Variants in CUBN observed in about 807,000 individuals in gnomAD.
The protein encoded by CUBN is cubilin.
A neutral mutation model predicts 405.3 loss-of-function variants in CUBN; 282 were observed. That is an observed-to-expected ratio of 0.70 (90% CI 0.63 to 0.77). The LOEUF (loss-of-function observed/expected upper bound fraction) is 0.77, where lower values mean the gene tolerates loss of function less well. Ranked by LOEUF, CUBN falls within the 30% of genes least tolerant of loss-of-function variation. The pLI, the probability that CUBN is intolerant of heterozygous loss-of-function variation, is 0.00. For missense variants in CUBN, 4,514 were observed against 4,475.2 expected (o/e 1.01, Z -0.25); for synonymous variants, 1,684 against 1,617.0 (o/e 1.04, Z -0.99).
chr10:16,978,954 A>G (rs569544267), intron 31 of CUBN, among the ~76,000 whole-genome samples: 12 of 152,322 alleles, frequency 7.9e-5, no homozygotes, highest in Non-Finnish European at 1.3e-4. Context: ...GTCGCAGCCC[A>G]AAATCTTCTT....
intron 31 of CUBN, among the ~76,000 whole-genome samples, chr10:16,971,384 C>T (rs1292153517): frequency 3.9e-5 from 6 of 152,218 alleles, no homozygotes; most frequent in African/African-American, 1.2e-4. Context: ...AACAAGCTTC[C>T]AGCCTTGCCA....
intron 28 of CUBN, among the ~76,000 whole-genome samples, chr10:17,017,202 G>A (rs1228258501): frequency 6.6e-6 from 1 of 152,102 alleles, no homozygotes; most frequent in African/African-American, 2.4e-5. Flanking sequence ...ACAGTCCCTG[G>A]ACCCTGCTGA....
intron 6 of CUBN, among the ~76,000 whole-genome samples, chr10:17,117,530 A>C (rs1836932602): frequency 6.6e-6 from 1 of 152,092 alleles, no homozygotes; most frequent in Non-Finnish European, 1.5e-5. Context: ...GCGTGCCACC[A>C]CACCCGGCTA....
At chr10:17,002,425 A>G (rs552700071) in intron 28 of CUBN, among the ~76,000 whole-genome samples, 1 of 151,708 alleles carries the variant, frequency 6.6e-6, no homozygotes, top group South Asian at 2.1e-4. Flanking sequence ...GCAATCTGTG[A>G]TTTGGGAAGG....
At position 16,875,663 on chromosome 10, in the gene CUBN, T is replaced by C. The variant is rs117403596; in HGVS notation, c.9107-1160A>G. On this transcript the variant is annotated intron_variant, in intron 57 of 66. Coordinates refer to ENST00000377833, the MANE Select transcript of CUBN (RefSeq NM_001081.4). ...CTCCTTTTCACTTTATACACAATTATGTGGTCTCTGGAAGTTTATCAAGGC... is the reference window on the plus strand; with the variant it reads ...CTCCTTTTCACTTTATACACAATTACGTGGTCTCTGGAAGTTTATCAAGGC... 9.8e-5 allele frequency among the ~76,000 whole-genome samples: 15 copies of C among 152,362 alleles called. 1 individual carries two copies. The East Asian group carries it at 2.7e-3, about 27-fold the overall frequency.
At chr10:16,826,142 T>C (rs1838774622) in intron 66 of CUBN, among the ~76,000 whole-genome samples, 2 of 152,194 alleles carry the variant, frequency 1.3e-5, no homozygotes, top group African/African-American at 2.4e-5. Context: ...GCAAGGGATA[T>C]AGGATTTCCC....
chr10:17,029,802 C>T (rs1253580013), intron 27 of CUBN, among the ~76,000 whole-genome samples: 3 of 152,196 alleles, frequency 2.0e-5, no homozygotes, highest in South Asian at 2.1e-4. Context: ...CTCTGCATCT[C>T]GCCAACTGGA....
chr10:16,993,376 T>C (rs991917498), intron 28 of CUBN, among the ~76,000 whole-genome samples: 2 of 152,246 alleles, frequency 1.3e-5, no homozygotes, highest in Non-Finnish European at 2.9e-5. Flanking sequence ...TTTTCCATTG[T>C]CTTTTCCAAT....
intron 14 of CUBN, among the ~76,000 whole-genome samples, chr10:17,095,325 T>C (rs939787974): frequency 1.3e-5 from 2 of 152,004 alleles, no homozygotes; most frequent in East Asian, 1.9e-4. Flanking sequence ...AAAAGCCCTA[T>C]GACATTAGTC....
In CUBN at chr10:16,876,908, T is replaced by A. The variant is rs779185204; in HGVS notation, c.9095A>T (p.Tyr3032Phe). 6.2e-7 allele frequency: 1 copy of A among 1,613,932 alleles called. No individual in the cohort carries two copies. The highest frequency in any genetic ancestry group is 2.2e-5 in the East Asian group (1 of 44,880). The change falls in exon 57 of 67, where the codon TAT becomes TTT. Residue 3032 changes from tyrosine (Y) to phenylalanine (F), a missense_variant. Coordinates refer to ENST00000377833, the MANE Select transcript of CUBN (RefSeq NM_001081.4). ...TTATGGCTACTCACAGATTATCCTATAGGAAAACTTGAATCCGAAGTCTGT... is the reference window on the plus strand; with the variant it reads ...TTATGGCTACTCACAGATTATCCTAAAGGAAAACTTGAATCCGAAGTCTGT... ...QITDFGFKFSYRIISCGGVFN... is the reference protein window; with the variant it reads ...QITDFGFKFSFRIISCGGVFN...
chr10:17,120,185 A>G (rs1837004599), intron 6 of CUBN, among the ~76,000 whole-genome samples: 1 of 152,258 alleles, frequency 6.6e-6, no homozygotes, highest in African/African-American at 2.4e-5. Context: ...TTAACCTCAC[A>G]TAATTAACAG....
intron 29 of CUBN, among the ~76,000 whole-genome samples, chr10:16,987,333 G>A (rs1258435773): frequency 6.6e-6 from 1 of 152,170 alleles, no homozygotes; most frequent in Non-Finnish European, 1.5e-5. Flanking sequence ...AAACTTTGGG[G>A]GAAAAAGAAG....
intron 54 of CUBN, among the ~76,000 whole-genome samples, chr10:16,896,330 G>C (rs1041700772): frequency 4.6e-5 from 7 of 152,058 alleles, no homozygotes; most frequent in Non-Finnish European, 1.0e-4. Context: ...ACTTCTGTTT[G>C]ACCATCTTTA....
chr10:17,083,920 A>G (rs1281889871), intron 17 of CUBN, among the ~76,000 whole-genome samples: 1 of 152,140 alleles, frequency 6.6e-6, no homozygotes, highest in African/African-American at 2.4e-5. Flanking sequence ...GAGGAGAGCA[A>G]GCAGAATAAA....
At chr10:16,902,660 A>G (rs1210836376) in intron 51 of CUBN, among the ~76,000 whole-genome samples, 1 of 152,184 alleles carries the variant, frequency 6.6e-6, no homozygotes, top group Non-Finnish European at 1.5e-5. Context: ...GGAATGTTAG[A>G]TAAAACCATA....
At chr10:16,854,144 T>C (rs916171079) in intron 59 of CUBN, among the ~76,000 whole-genome samples, 1 of 152,100 alleles carries the variant, frequency 6.6e-6, no homozygotes, top group African/African-American at 2.4e-5. Flanking sequence ...TCTTGAAGCA[T>C]AAATAGAATA....
At chr10:16,873,760 A>C (rs7914434) in intron 58 of CUBN, among the ~76,000 whole-genome samples, 9,141 of 151,670 alleles carry the variant, frequency 0.06, 424 homozygotes, top group African/African-American at 0.13. Flanking sequence ...GAAAATGTAT[A>C]CTTTGAGAGA....
chr10:16,862,156 T>TCACACACACACACA (rs1377846836), intron 59 of CUBN, among the ~76,000 whole-genome samples: 2 of 92,720 alleles, frequency 2.2e-5, no homozygotes, highest in African/African-American at 1.4e-4. Flanking sequence ...TCTCTCTCTC[T>TCACACACACACACA]CTCTCACACA....
intron 34 of CUBN, among the ~76,000 whole-genome samples, chr10:16,949,017 G>C (rs913985205): frequency 2.6e-5 from 4 of 152,194 alleles, no homozygotes; most frequent in African/African-American, 9.7e-5. Context: ...CCATTTGCTA[G>C]TTGTGTGATC....
Sources: gnomAD v4.1 joint callset for allele counts (sites outside exome capture counted in the v4.1 genomes callset) on GRCh38, gnomAD v4.1.1 for gene constraint, MANE v1.5 for transcripts, NCBI Gene and HGNC (gene_info 2026-07-23, HGNC 2026-07-21) for gene names.